Variants in INPP4B observed in about 807,000 individuals in gnomAD.
The protein encoded by INPP4B is inositol polyphosphate 4-phosphatase type II.
INPP4B carries 55 observed loss-of-function variants against 122.5 expected under a neutral mutation model. The ratio of observed to expected loss-of-function variants is 0.45; its 90% CI spans 0.36 to 0.56. The LOEUF (loss-of-function observed/expected upper bound fraction) is 0.56. Among genes scored for constraint, INPP4B ranks in the 20% least tolerant of loss-of-function variants. The pLI, the probability that INPP4B is intolerant of heterozygous loss-of-function variation, is 0.00. For missense variants in INPP4B, 1,000 were observed against 1,097.7 expected (o/e 0.91, Z 1.26); for synonymous variants, 403 against 388.7 (o/e 1.04, Z -0.43).
intron 2 of INPP4B, among the ~76,000 whole-genome samples, chr4:142,552,389 C>G (rs1179590283): frequency 6.6e-6 from 1 of 151,332 alleles, no homozygotes. Flanking sequence ...ATTAAGTAAA[C>G]TAACCTAATT....
intron 23 of INPP4B, among the ~76,000 whole-genome samples, chr4:142,103,808 C>G (rs1785655916): frequency 6.6e-6 from 1 of 151,946 alleles, no homozygotes; most frequent in Non-Finnish European, 1.5e-5. Context: ...TTCATAAACA[C>G]ACACACACAT....
intron 2 of INPP4B, among the ~76,000 whole-genome samples, chr4:142,574,597 A>G (rs1733471677): frequency 6.6e-6 from 1 of 152,104 alleles, no homozygotes; most frequent in Non-Finnish European, 1.5e-5. Flanking sequence ...TTATGCTTTC[A>G]CTGGGGGACA....
intron 2 of INPP4B, among the ~76,000 whole-genome samples, chr4:142,490,791 A>T (rs1821777078): frequency 6.6e-6 from 1 of 152,138 alleles, no homozygotes; most frequent in Non-Finnish European, 1.5e-5. Context: ...TAGATTTCAC[A>T]TATAAAAGAG....
At chr4:142,617,286 C>G (rs993542875) in intron 2 of INPP4B, among the ~76,000 whole-genome samples, 25 of 152,018 alleles carry the variant, frequency 1.6e-4, no homozygotes, top group Non-Finnish European at 2.5e-4. Context: ...ACAAAAAAGG[C>G]AGATCTCATC....
intron 7 of INPP4B, among the ~76,000 whole-genome samples, chr4:142,389,863 G>A (rs1797120839): frequency 6.6e-6 from 1 of 152,088 alleles, no homozygotes; most frequent in African/African-American, 2.4e-5. Flanking sequence ...AAAGGCATAG[G>A]GATGTAAATT....
Position 142,251,909 on chromosome 4 carries a change from G to T in INPP4B, c.688+8583C>A, listed in dbSNP as rs182146757. Reference sequence around the variant, plus strand: ...ATGTCACTGCTTAAATGTACAACATGGCAGGGCTAGAAAAAAGAGTAAGGT... The same window carrying T: ...ATGTCACTGCTTAAATGTACAACATTGCAGGGCTAGAAAAAAGAGTAAGGT... On this transcript the variant is annotated intron_variant, in intron 11 of 25. Transcript: ENST00000262992. 1.2e-4 allele frequency among the ~76,000 whole-genome samples: 18 copies of T among 152,254 alleles called. No homozygotes were observed. The East Asian group carries it at 3.1e-3, about 26-fold the overall frequency.
intron 12 of INPP4B, among the ~76,000 whole-genome samples, chr4:142,225,557 T>C (rs1358415388): frequency 6.7e-6 from 1 of 149,172 alleles, no homozygotes; most frequent in Non-Finnish European, 1.5e-5. Flanking sequence ...TAAATATGTA[T>C]ATATATTATA....
At position 142,466,318 on chromosome 4, in the gene INPP4B, C is replaced by T. The variant is rs534981874; in HGVS notation, c.-190-3592G>A. On this transcript the variant is annotated intron_variant, in intron 2 of 25. Transcript: ENST00000262992. ...TATTGGGAATCAGAATAAAAGTCAC[C>T]CTTCTCAATCCCTAGCAAAGAACTT... Among the ~76,000 whole-genome samples, 4 of 152,234 alleles carry T rather than the reference C, an allele frequency of 2.6e-5. 1 individual carries two copies. The South Asian group carries it at 8.3e-4, about 32-fold the overall frequency.
chr4:142,274,217 A>G (rs1276235289), intron 9 of INPP4B, among the ~76,000 whole-genome samples: 1 of 151,886 alleles, frequency 6.6e-6, no homozygotes, highest in African/African-American at 2.4e-5. Flanking sequence ...CGTAGAAAAT[A>G]TATTAAAGAG....
chr4:142,569,290 T>A (rs909488236), intron 2 of INPP4B, among the ~76,000 whole-genome samples: 14 of 149,984 alleles, frequency 9.3e-5, no homozygotes, highest in African/African-American at 3.5e-4. Context: ...CAAATAAACA[T>A]GGATTTTTTT....
At chr4:142,262,261 C>T (rs1339440875) in intron 10 of INPP4B, among the ~76,000 whole-genome samples, 2 of 152,158 alleles carry the variant, frequency 1.3e-5, no homozygotes, top group Non-Finnish European at 2.9e-5. Context: ...ATCTGTTTCT[C>T]CCTGCCCCAT....
intron 22 of INPP4B, among the ~76,000 whole-genome samples, chr4:142,110,757 A>T (rs1305085563): frequency 6.6e-6 from 1 of 152,184 alleles, no homozygotes; most frequent in Non-Finnish European, 1.5e-5. Context: ...ATGAGAAGGA[A>T]GGAAAGGACA....
At position 142,027,448 on chromosome 4, in the gene INPP4B, C is replaced by A. The variant is rs78286451; in HGVS notation, c.*1334G>T. 1 of 152,226 alleles carries A rather than the reference C, an allele frequency of 6.6e-6. No homozygotes were observed. Among genetic ancestry groups the A allele is most frequent in the Admixed American group, 6.5e-5 (1 of 15,276 alleles). The allele number at this position is 152,226 out of a possible 1,614,324, so 9.4% of individuals were successfully genotyped here. A position where few individuals can be genotyped will look rare whatever the true frequency, so the allele number is the denominator to read the frequency against. On this transcript the variant is annotated 3_prime_UTR_variant, in exon 26 of 26. Transcript: ENST00000262992. The stretch of plus-strand genomic sequence containing the variant: ...GCATGCTCTTCTAATGAGAAAGGAA[C>A]AAGAATTTGTAAAATTTGGAGAAAA...
chr4:142,428,136 A>G (rs1808507777), intron 5 of INPP4B, among the ~76,000 whole-genome samples: 1 of 151,646 alleles, frequency 6.6e-6, no homozygotes, highest in Non-Finnish European at 1.5e-5. Flanking sequence ...AATAAGTCAT[A>G]TTTTAAAATA....
At chr4:142,354,232 A>C (rs1209277238) in intron 7 of INPP4B, among the ~76,000 whole-genome samples, 2 of 152,008 alleles carry the variant, frequency 1.3e-5, no homozygotes, top group Admixed American at 6.6e-5. Flanking sequence ...GAGCCTTGGG[A>C]CATGGGCTCA....
chr4:142,499,724 A>G (rs918379674), intron 2 of INPP4B, among the ~76,000 whole-genome samples: 1 of 152,142 alleles, frequency 6.6e-6, no homozygotes, highest in African/African-American at 2.4e-5. Context: ...TTATTGCTGA[A>G]AGATACCAAT....
intron 17 of INPP4B, among the ~76,000 whole-genome samples, chr4:142,146,724 G>C (rs1051266645): frequency 1.3e-5 from 2 of 152,110 alleles, no homozygotes; most frequent in African/African-American, 4.8e-5. Context: ...TGGGAGGAAG[G>C]CACAATAAAT....
intron 2 of INPP4B, among the ~76,000 whole-genome samples, chr4:142,607,966 T>A (rs1163335548): frequency 5.3e-5 from 8 of 152,158 alleles, no homozygotes; most frequent in Non-Finnish European, 8.8e-5. Flanking sequence ...CCATGAAACC[T>A]TCCCAGGACA....
chr4:142,303,628 G>T (rs941724729), intron 9 of INPP4B, among the ~76,000 whole-genome samples: 3 of 152,038 alleles, frequency 2.0e-5, no homozygotes, highest in Admixed American at 6.6e-5. Context: ...GGTTCATAGG[G>T]AGAGAAAACC....
Sources: gnomAD v4.1 joint callset for allele counts (sites outside exome capture counted in the v4.1 genomes callset) on GRCh38, gnomAD v4.1.1 for gene constraint, MANE v1.5 for transcripts, NCBI Gene and HGNC (gene_info 2026-07-23, HGNC 2026-07-21) for gene names.